The following MARCHF5 variants were observed in gnomAD, a reference collection of about 807,000 sequenced individuals.
MARCHF5 encodes E3 ubiquitin-protein ligase MARCHF5.
MARCHF5 carries 5 observed loss-of-function variants against 36.5 expected under a neutral mutation model. That is an observed-to-expected ratio of 0.14 (90% CI 0.07 to 0.29). The LOEUF is 0.29. Among genes scored for constraint, MARCHF5 ranks in the 10% least tolerant of loss-of-function variants. The probability of loss-of-function intolerance (pLI) is 1.00; values close to 1 mark genes in which losing one functional copy is unlikely to be tolerated. For synonymous variants in MARCHF5, 103 were observed against 109.9 expected (o/e 0.94, Z 0.39); for missense variants, 179 against 336.3 (o/e 0.53, Z 3.66).
At chr10:92,346,542 A>G (rs1221902980) in intron 3 of MARCHF5, among the ~76,000 whole-genome samples, 1 of 123,594 alleles carries the variant, frequency 8.1e-6, no homozygotes, top group African/African-American at 3.2e-5. Context: ...CTTGTTGCTC[A>G]GGCTGGTGCA....
chr10:92,350,085 C>G (rs974490210), intron 5 of MARCHF5: 7 of 409,656 alleles, frequency 1.7e-5, no homozygotes, highest in East Asian at 8.8e-5. Flanking sequence ...ATCATCACAC[C>G]TGTCCCTCTT....
chr10:92,315,483 G>A (rs2135190225), intron 2 of MARCHF5, among the ~76,000 whole-genome samples: 1 of 152,298 alleles, frequency 6.6e-6, no homozygotes, highest in Non-Finnish European at 1.5e-5. Context: ...ATTCATAGTG[G>A]AGGCTTTGGT....
chr10:92,348,164 C>T (rs1227846697), intron 3 of MARCHF5, among the ~76,000 whole-genome samples: 3 of 137,498 alleles, frequency 2.2e-5, no homozygotes, highest in Non-Finnish European at 4.6e-5. Context: ...GCCTGGGCAA[C>T]AAGAGCAAAA....
At chr10:92,345,851 C>T (rs150733434) in intron 3 of MARCHF5, among the ~76,000 whole-genome samples, 15 of 151,848 alleles carry the variant, frequency 9.9e-5, no homozygotes, top group African/African-American at 1.5e-4. Flanking sequence ...CATGCCACCA[C>T]GCCCTGCTAA....
intron 3 of MARCHF5, among the ~76,000 whole-genome samples, chr10:92,341,584 A>G (rs191498998): frequency 6.6e-6 from 1 of 152,242 alleles, no homozygotes; most frequent in Admixed American, 6.5e-5. Context: ...ATTTCCAGCT[A>G]TCAACTTAGT....
intron 2 of MARCHF5, among the ~76,000 whole-genome samples, chr10:92,318,790 C>G (rs1298470885): frequency 2.6e-5 from 4 of 152,032 alleles, no homozygotes; most frequent in African/African-American, 9.7e-5. Context: ...CCTCTGCCTA[C>G]TGCAGAGGTT....
intron 2 of MARCHF5, among the ~76,000 whole-genome samples, chr10:92,334,822 A>G (rs1300604760): frequency 6.6e-6 from 1 of 152,184 alleles, no homozygotes; most frequent in Non-Finnish European, 1.5e-5. Flanking sequence ...TATGTCATTC[A>G]TGTCTGAAAC....
chr10:92,305,444 A>G (rs1165231344), intron 1 of MARCHF5, among the ~76,000 whole-genome samples: 1 of 152,186 alleles, frequency 6.6e-6, no homozygotes, highest in Admixed American at 6.5e-5. Flanking sequence ...AAAAATCAGA[A>G]AAAAGGAAGG....
intron 2 of MARCHF5, among the ~76,000 whole-genome samples, chr10:92,333,170 A>G (rs1352433039): frequency 0.15 from 8 of 52 alleles, no homozygotes; most frequent in East Asian, 0.42. Flanking sequence ...TGCCAAAAGA[A>G]AAAAAAAAAA....
At chr10:92,348,170 C>G (rs1843677945) in intron 3 of MARCHF5, among the ~76,000 whole-genome samples, 1 of 120,250 alleles carries the variant, frequency 8.3e-6, no homozygotes, top group African/African-American at 3.2e-5. Context: ...GCAACAAGAG[C>G]AAAAAATTCC....
intron 5 of MARCHF5, among the ~76,000 whole-genome samples, chr10:92,350,690 A>G (rs1031183251): frequency 3.9e-5 from 6 of 152,192 alleles, no homozygotes; most frequent in African/African-American, 1.4e-4. Context: ...TCCTGCATTC[A>G]TGATAAACAG....
chr10:92,340,540 A>C (rs1590666215), intron 2 of MARCHF5, 133 bp from the exon 3 acceptor site: 1 of 792,800 alleles, frequency 1.3e-6, no homozygotes, highest in East Asian at 2.8e-5. Context: ...CCACTGCACT[A>C]TAATCTGGAT....
intron 2 of MARCHF5, among the ~76,000 whole-genome samples, chr10:92,324,850 A>T (rs1364948114): frequency 6.6e-6 from 1 of 151,962 alleles, no homozygotes; most frequent in Non-Finnish European, 1.5e-5. Flanking sequence ...ATCAGAGAGC[A>T]TACTCTGTCT....
chr10:92,309,723 A>G (rs1345875819), intron 1 of MARCHF5, among the ~76,000 whole-genome samples: 1 of 152,232 alleles, frequency 6.6e-6, no homozygotes, highest in Non-Finnish European at 1.5e-5. Flanking sequence ...TACTATGGGT[A>G]GTCTTGGTGG....
At chr10:92,313,247 A>G (rs1053454517) in intron 2 of MARCHF5, among the ~76,000 whole-genome samples, 1 of 151,902 alleles carries the variant, frequency 6.6e-6, no homozygotes, top group African/African-American at 2.4e-5. Flanking sequence ...AGAAAAAAGA[A>G]AAGAGTAAAA....
At chr10:92,317,948 A>G (rs1843233201) in intron 2 of MARCHF5, among the ~76,000 whole-genome samples, 1 of 151,788 alleles carries the variant, frequency 6.6e-6, no homozygotes, top group South Asian at 2.1e-4. Context: ...ACAGTGTTTC[A>G]CCATGTTGGC....
chr10:92,350,977 C>T, intron 5 of MARCHF5, 114 bp from the exon 6 acceptor site: 1 of 634,708 alleles, frequency 1.6e-6, no homozygotes, highest in Non-Finnish European at 2.8e-6. Context: ...TTGCAGTCAT[C>T]TGAATTAGTT....
Position 92,352,857 on chromosome 10 carries a change from A to T in MARCHF5, c.*1650A>T, listed in dbSNP as rs763202856. ...GTTCTGAAGGGGAAATATAACATCT[A>T]TGGTTATATATTTTAAAAACTTAGA... is the stretch of plus-strand genomic sequence containing the variant. On this transcript the variant is annotated 3_prime_UTR_variant, in exon 6 of 6. Transcript: ENST00000358935. 5.2e-4 allele frequency: 79 copies of T among 152,622 alleles called. No homozygotes were observed. Among genetic ancestry groups the T allele is most frequent in the African/African-American group, 1.8e-3 (76 of 41,456 alleles). 9.5% of individuals were successfully genotyped at this position (152,622 alleles called of 1,614,324 possible).
chr10:92,304,780 A>G (rs984790741), intron 1 of MARCHF5, among the ~76,000 whole-genome samples: 5 of 152,020 alleles, frequency 3.3e-5, no homozygotes, highest in Admixed American at 2.6e-4. Flanking sequence ...TTCTCCCCTC[A>G]TTCAGATTTA....
Sources: allele counts gnomAD v4.1 joint callset (sites outside exome capture counted in the v4.1 genomes callset), GRCh38; gene constraint gnomAD v4.1.1; transcripts MANE v1.5; gene names NCBI Gene and HGNC (gene_info 2026-07-23, HGNC 2026-07-21).